Variants in FGF13 observed in about 807,000 individuals in gnomAD.
FGF13 encodes the protein fibroblast growth factor 13, also known as fibroblast growth factor homologous factor 2.
In FGF13, 2 loss-of-function variants were observed where a neutral mutation model predicts 19.5. The observed-to-expected ratio is 0.10, with a 90% confidence interval of 0.04 to 0.32. FGF13 has a LOEUF of 0.32. Among genes scored for constraint, FGF13 ranks in the 10% least tolerant of loss-of-function variants. The probability of loss-of-function intolerance (pLI) is 1.00; values close to 1 mark genes in which losing one functional copy is unlikely to be tolerated. For missense variants in FGF13, 113 were observed against 192.7 expected (o/e 0.59, Z 2.45); for synonymous variants, 72 against 76.9 (o/e 0.94, Z 0.33).
At chrX:138,865,432 T>TTCTCTCTCTCTCTCTCTCC (rs1569414005) in intron 1 of FGF13, among the ~76,000 whole-genome samples, 2 of 99,045 alleles carry the variant, frequency 2.0e-5, no homozygotes, top group Admixed American at 2.1e-4. Context: ...CCTCTCTCTC[T>TTCTCTCTCTCTCTCTCTCC]TCTCTCTCTC....
chrX:138,735,877 G>A (rs1031294338), intron 1 of FGF13, among the ~76,000 whole-genome samples: 5 of 111,975 alleles, frequency 4.5e-5, no homozygotes, highest in African/African-American at 1.6e-4. Flanking sequence ...TCTATTATAA[G>A]TCTTCGCTTT....
chrX:138,921,548 T>C (rs2091645205), intron 1 of FGF13, among the ~76,000 whole-genome samples: 1 of 111,765 alleles, frequency 8.9e-6, no homozygotes, highest in South Asian at 3.8e-4. Context: ...CTGTCACTAT[T>C]ACTTCCAACT....
intron 1 of FGF13, among the ~76,000 whole-genome samples, chrX:138,960,413 T>A (rs1223892531): frequency 3.6e-5 from 4 of 112,068 alleles, no homozygotes; most frequent in African/African-American, 1.3e-4. Context: ...TGGGCTTCCC[T>A]TTGTGGGTAA....
chrX:138,786,600 C>G, intron 3 of FGF13, among the ~76,000 whole-genome samples: 1 of 111,556 alleles, frequency 9.0e-6, no homozygotes. Context: ...CAGAATTCCC[C>G]CACCCATCTC....
intron 1 of FGF13, among the ~76,000 whole-genome samples, chrX:139,064,279 T>TTC (rs2092346523): frequency 1.5e-5 from 1 of 64,671 alleles, no homozygotes; most frequent in African/African-American, 7.7e-5. Flanking sequence ...TTCTTTTTTT[T>TTC]TCTTTTTTTT....
intron 1 of FGF13, among the ~76,000 whole-genome samples, chrX:138,952,065 T>C (rs982563291): frequency 1.8e-5 from 2 of 111,322 alleles, no homozygotes; most frequent in Non-Finnish European, 3.8e-5. Context: ...TTCACAGAAT[T>C]GGAAAAAACT....
intron 1 of FGF13, among the ~76,000 whole-genome samples, chrX:139,059,642 T>A (rs2092330741): frequency 8.9e-6 from 1 of 111,899 alleles, no homozygotes; most frequent in Non-Finnish European, 1.9e-5. Context: ...TCCTTTTGCA[T>A]AAATGTATGG....
At chrX:139,120,862 A>G (rs1256145227) in intron 1 of FGF13, among the ~76,000 whole-genome samples, 1 of 112,703 alleles carries the variant, frequency 8.9e-6, no homozygotes, top group Non-Finnish European at 1.9e-5. Context: ...TAAAGTGACA[A>G]CCAGATTCAC....
upstream of FGF13, chrX:138,715,808 G>A (rs58869394): frequency 2.1e-4 from 24 of 112,361 alleles, no homozygotes; most frequent in East Asian, 4.8e-3. Flanking sequence ...TGAGAACTAG[G>A]TTTTAGCATT....
intron 3 of FGF13, among the ~76,000 whole-genome samples, chrX:138,772,122 TG>T (rs2090551412): frequency 9.9e-6 from 1 of 101,268 alleles, no homozygotes; most frequent in African/African-American, 3.5e-5. Context: ...ACCTTAAATA[TG>T]CACAAAATTT....
At chrX:139,137,100 G>A (rs2083807337) in intron 1 of FGF13, among the ~76,000 whole-genome samples, 1 of 111,897 alleles carries the variant, frequency 8.9e-6, no homozygotes, top group South Asian at 3.7e-4. Context: ...AATCACACTG[G>A]AACATAAGCA....
At chrX:138,759,179 A>C (rs2090450048) in intron 3 of FGF13, among the ~76,000 whole-genome samples, 1 of 112,397 alleles carries the variant, frequency 8.9e-6, no homozygotes, top group Non-Finnish European at 1.9e-5. Flanking sequence ...TCCCTGACCA[A>C]GGGCTTGGGA....
At chrX:139,094,231 T>C (rs753138457) in intron 1 of FGF13, among the ~76,000 whole-genome samples, 2 of 102,851 alleles carry the variant, frequency 1.9e-5, no homozygotes, top group East Asian at 5.7e-4. Context: ...ATGAACATGG[T>C]AGACAGAGCT....
intron 3 of FGF13, among the ~76,000 whole-genome samples, chrX:138,811,200 G>A (rs2090921446): frequency 8.9e-6 from 1 of 111,764 alleles, no homozygotes; most frequent in African/African-American, 3.3e-5. Context: ...CAACCCAAAT[G>A]TCCATCAATG....
intron 1 of FGF13, among the ~76,000 whole-genome samples, chrX:139,108,839 C>T (rs930105317): frequency 9.5e-6 from 1 of 104,770 alleles, no homozygotes; most frequent in Non-Finnish European, 2.0e-5. Flanking sequence ...CTCCCTCCCC[C>T]AACCCCACCC....
chrX:139,172,777 A>G (rs754912249), intron 1 of FGF13, among the ~76,000 whole-genome samples: 4 of 111,990 alleles, frequency 3.6e-5, no homozygotes, highest in Non-Finnish European at 7.5e-5. Flanking sequence ...TACAAATTTT[A>G]CATAATACCT....
At position 138,857,596 on chromosome X, in the gene FGF13, C is replaced by CT. The variant is rs1569412583; in HGVS notation, c.45dup (p.Glu16ArgfsTer7). ...TGACACTTAGCACGAAAGGGGGACT[C>CT]TTTTTTCTTTAATTCCGCAGATTGG... On this transcript the variant is annotated frameshift_variant, in exon 3 of 3. Transcript: ENST00000421460. LOFTEE classifies it high-confidence loss of function. The CT allele has an allele frequency of 1.7e-6, 2 of 1,206,324 alleles. No individual in the cohort carries two copies. The highest frequency in any genetic ancestry group is 2.2e-6 in the Non-Finnish European group (2 of 893,065).
intron 3 of FGF13, among the ~76,000 whole-genome samples, chrX:138,831,413 G>A (rs867101600): frequency 5.4e-5 from 6 of 111,418 alleles, no homozygotes; most frequent in Admixed American, 9.5e-5. Flanking sequence ...GGTAGACTGG[G>A]CCCAGAAAAG....
intron 1 of FGF13, among the ~76,000 whole-genome samples, chrX:138,710,534 C>T (rs2090035081): frequency 8.9e-6 from 1 of 112,161 alleles, no homozygotes; most frequent in Non-Finnish European, 1.9e-5. Context: ...CAGAGCCCAC[C>T]GGGCATGCAC....
Sources: allele counts gnomAD v4.1 joint callset (sites outside exome capture counted in the v4.1 genomes callset), GRCh38; gene constraint gnomAD v4.1.1; transcripts MANE v1.5; gene names NCBI Gene and HGNC (gene_info 2026-07-23, HGNC 2026-07-21).